Variants in DST observed in about 807,000 individuals in gnomAD.
DST encodes dystonin.
A neutral mutation model predicts 875.2 loss-of-function variants in DST; 253 were observed. The ratio of observed to expected loss-of-function variants is 0.29; its 90% CI spans 0.26 to 0.32. The LOEUF (loss-of-function observed/expected upper bound fraction) is 0.32, where lower values mean the gene tolerates loss of function less well. Ranked by LOEUF, DST falls within the 10% of genes least tolerant of loss-of-function variation. DST has a pLI of 1.00. For synonymous variants in DST, 3,124 were observed against 3,197.1 expected (o/e 0.98, Z 0.77); for missense variants, 8,287 against 9,111.6 (o/e 0.91, Z 3.68).
intron 61 of DST, among the ~76,000 whole-genome samples, chr6:56,549,401 A>T (rs959307263): frequency 6.6e-6 from 1 of 152,214 alleles, no homozygotes; most frequent in African/African-American, 2.4e-5. Context: ...AAATCATTCC[A>T]TTTAAAAAAT....
At chr6:56,676,493 A>G (rs549331807) in intron 9 of DST, among the ~76,000 whole-genome samples, 11 of 152,304 alleles carry the variant, frequency 7.2e-5, no homozygotes, top group African/African-American at 2.4e-4. Flanking sequence ...TAGAACTACC[A>G]TATAATCCAG....
At chr6:56,834,792 A>C (rs960688490) in intron 4 of DST, among the ~76,000 whole-genome samples, 1 of 152,186 alleles carries the variant, frequency 6.6e-6, no homozygotes, top group African/African-American at 2.4e-5. Context: ...TTTGGAAGTC[A>C]AGTTAGACAA....
At chr6:56,672,610 G>A (rs1051711775) in intron 9 of DST, among the ~76,000 whole-genome samples, 8 of 152,030 alleles carry the variant, frequency 5.3e-5, no homozygotes, top group African/African-American at 1.9e-4. Context: ...AAGAGTTTAA[G>A]TCCCATGTCC....
Position 56,606,506 on chromosome 6 carries a change from A to C in DST, c.8122T>G (p.Leu2708Val), listed in dbSNP as rs2098499750. The C allele has an allele frequency of 6.2e-7, 1 of 1,613,184 alleles. No homozygotes were observed. The highest frequency in any genetic ancestry group is 1.3e-5 in the African/African-American group (1 of 74,864). The change falls in exon 40 of 104, where the codon TTA (leucine) becomes GTA (valine). Residue 2708 changes from leucine to valine, a missense_variant. Transcript: ENST00000680361. ...DELDSGEKIH[L>V]NPVGSDKVNG... The stretch of plus-strand genomic sequence containing the variant: ...ACCTTATCTGAGCCAACAGGATTTA[A>C]ATGTATTTTTTCACCAGAATCTAAT...
At chr6:56,767,247 T>C (rs1437716009) in intron 4 of DST, among the ~76,000 whole-genome samples, 1 of 152,146 alleles carries the variant, frequency 6.6e-6, no homozygotes, top group African/African-American at 2.4e-5. Flanking sequence ...GAAGATACAC[T>C]GGTAAACAAA....
At chr6:56,921,390 T>C (rs1804144506) in intron 2 of DST, among the ~76,000 whole-genome samples, 1 of 152,202 alleles carries the variant, frequency 6.6e-6, no homozygotes, top group Non-Finnish European at 1.5e-5. Flanking sequence ...TCAAGAAAGA[T>C]GAAAATTTGC....
intron 10 of DST, among the ~76,000 whole-genome samples, chr6:56,662,187 CAG>C (rs937251791): frequency 5.3e-5 from 8 of 152,130 alleles, no homozygotes; most frequent in African/African-American, 1.9e-4. Flanking sequence ...GGAGGGGAAA[CAG>C]TGCAGAAGAG....
intron 69 of DST, among the ~76,000 whole-genome samples, chr6:56,522,073 T>C (rs1472910109): frequency 6.6e-6 from 1 of 152,114 alleles, no homozygotes; most frequent in African/African-American, 2.4e-5. Flanking sequence ...TTCAGGAATT[T>C]TCTAAAAGTT....
At chr6:56,701,591 A>C (rs1360613993) in intron 8 of DST, among the ~76,000 whole-genome samples, 2 of 152,196 alleles carry the variant, frequency 1.3e-5, no homozygotes, top group Non-Finnish European at 2.9e-5. Flanking sequence ...TATTGCTACT[A>C]AAATGTCATT....
chr6:56,535,092 A>G, intron 63 of DST, 30 bp downstream of exon 63: 1 of 1,604,868 alleles, frequency 6.2e-7, no homozygotes. Flanking sequence ...ATTTAATATG[A>G]AACGCAATAC....
At chr6:56,525,841 T>G (rs1174321264) in intron 69 of DST, among the ~76,000 whole-genome samples, 1 of 152,200 alleles carries the variant, frequency 6.6e-6, no homozygotes, top group Non-Finnish European at 1.5e-5. Flanking sequence ...GCAGGAGTTA[T>G]AGACAAATTG....
intron 22 of DST, among the ~76,000 whole-genome samples, chr6:56,637,605 T>C (rs191897900): frequency 6.6e-6 from 1 of 152,316 alleles, no homozygotes; most frequent in East Asian, 1.9e-4. Context: ...ATGATAATAC[T>C]AGGAATTTTT....
intron 99 of DST, 91 bp from the exon 100 acceptor site, chr6:56,464,847 G>C (rs2094504314): frequency 1.1e-6 from 1 of 941,438 alleles, no homozygotes; most frequent in African/African-American, 1.6e-5. Context: ...TGCAAAGGGT[G>C]CTCACATCTG....
Position 56,603,410 on chromosome 6 carries a change from A to T in DST, c.10952T>A (p.Leu3651Ter). Reference protein sequence around the residue: ...NQLRQLETFELGLAPIAVILR... With the variant: ...NQLRQLETFE Reference sequence around the variant, plus strand: ...AATAACAGCAATTGGAGCTAATCCCAATTCAAATGTCTGCAAAGAAATATA... The same window carrying T: ...AATAACAGCAATTGGAGCTAATCCCTATTCAAATGTCTGCAAAGAAATATA... Residue 3651 changes from leucine to a stop codon, truncating the protein, a stop_gained, in exon 42 of 104, where the codon TTG becomes TAG. Transcript: ENST00000680361. LOFTEE classifies it high-confidence loss of function. 1 of 1,610,042 alleles carries T rather than the reference A, an allele frequency of 6.2e-7. No individual in the cohort carries two copies. The highest frequency in any genetic ancestry group is 8.5e-7 in the Non-Finnish European group (1 of 1,178,920).
rs747012346 is a variant in DST at position 56,526,575 on chromosome 6, C to T, written c.17923-8G>A. On this transcript the variant is annotated splice_region_variant and splice_polypyrimidine_tract_variant and intron_variant, in intron 68 of 103. Transcript: ENST00000680361. ...AGCTTCCTTTTTCAGTTCCTGAAAA[C>T]ATACAAATAAGTTAGTAACACTTAA... 1.9e-6 allele frequency: 3 copies of T among 1,611,610 alleles called. No homozygotes were observed. The highest frequency in any genetic ancestry group is 2.5e-6 in the Non-Finnish European group (3 of 1,178,468).
chr6:56,501,766 A>T (rs1484330351), intron 78 of DST, 73 bp from the exon 79 acceptor site: 3 of 1,156,508 alleles, frequency 2.6e-6, no homozygotes, highest in Middle Eastern at 4.3e-4. Flanking sequence ...TCTATTGGTT[A>T]TATCATTATT....
rs2097790483 is a variant in DST, at chr6:56,572,264, T to C, written c.13557A>G (p.Glu4519=). The change falls in exon 53 of 104, where the codon GAA becomes GAG. Residue 4519 remains glutamate (E), a splice_region_variant and synonymous_variant. Transcript: ENST00000680361. ...TGTGTTCTAAAAATTCAGAAGTTGA[T>C]TCCTACAAAGCATTAAGATATTCAG... ...DVTELSQYMQ[E]STSEFLEHKK... 2 of 1,554,364 alleles carry C rather than the reference T, an allele frequency of 1.3e-6. No homozygotes were observed. The highest frequency in any genetic ancestry group is 1.4e-5 in the African/African-American group (1 of 73,696).
chr6:56,597,239 CAA>C (rs76384316), intron 47 of DST, among the ~76,000 whole-genome samples: 14 of 128,676 alleles, frequency 1.1e-4, no homozygotes, highest in Admixed American at 7.5e-5. Context: ...GACCTTGTCT[CAA>C]AAAAAAAAAA....
intron 4 of DST, among the ~76,000 whole-genome samples, chr6:56,802,535 A>G (rs890631509): frequency 2.6e-5 from 4 of 152,212 alleles, no homozygotes; most frequent in Non-Finnish European, 5.9e-5. Context: ...TGAGAATTAT[A>G]TCAAATATTG....
Sources: allele counts gnomAD v4.1 joint callset (sites outside exome capture counted in the v4.1 genomes callset), GRCh38; gene constraint gnomAD v4.1.1; transcripts MANE v1.5; gene names NCBI Gene and HGNC (gene_info 2026-07-23, HGNC 2026-07-21).